CCDC88C: variants seen among roughly 807,000 people sequenced by gnomAD.
CCDC88C encodes the protein coiled-coil and HOOK domain protein 88C, also known as protein Daple.
Under a neutral mutation model 198.8 loss-of-function variants are expected in CCDC88C, and 131 were observed. The ratio of observed to expected loss-of-function variants is 0.66; its 90% CI spans 0.57 to 0.76. CCDC88C has a LOEUF of 0.76. Among genes scored for constraint, CCDC88C ranks in the 30% least tolerant of loss-of-function variants. The pLI is 0.00. For synonymous variants in CCDC88C, 1,166 were observed against 1,114.7 expected (o/e 1.05, Z -0.92); for missense variants, 2,553 against 2,631.6 (o/e 0.97, Z 0.65).
At position 91,313,623 on chromosome 14, in the gene CCDC88C, C is replaced by T. The variant is rs773129565; in HGVS notation, c.2193G>A (p.Gln731=). 9 of 1,612,668 alleles carry T rather than the reference C, an allele frequency of 5.6e-6. No homozygotes were observed. The highest frequency in any genetic ancestry group is 7.6e-6 in the Non-Finnish European group (9 of 1,179,900). Residue 731 remains glutamine, a synonymous_variant, in exon 15 of 30, where the codon CAG becomes CAA. Coordinates refer to ENST00000389857, the MANE Select transcript of CCDC88C (RefSeq NM_001080414.4). The surrounding 1 kb of genome is among the most constrained non-coding windows in gnomAD (Gnocchi z 5.2). ...TKLAQMEREN[Q]QLEREKEELR... ...GCTCCTCCTTCTCACGCTCCAGCTGCTGGTTCTCCCTCTCCATCTGTGCCA... is the reference window on the plus strand; with the variant it reads ...GCTCCTCCTTCTCACGCTCCAGCTGTTGGTTCTCCCTCTCCATCTGTGCCA...
intron 4 of CCDC88C, among the ~76,000 whole-genome samples, chr14:91,354,235 C>A (rs1326802725): frequency 2.6e-5 from 4 of 152,230 alleles, no homozygotes; most frequent in Non-Finnish European, 5.9e-5. Context: ...TGCAACTGTC[C>A]TGTGATTCAT....
chr14:91,348,245 A>G (rs1355471330), intron 4 of CCDC88C, among the ~76,000 whole-genome samples: 2 of 150,280 alleles, frequency 1.3e-5, no homozygotes, highest in Non-Finnish European at 2.9e-5. Context: ...ACCTCAAGTG[A>G]TCTGCTTGCC....
At chr14:91,357,697 A>G (rs1894103005) in intron 4 of CCDC88C, among the ~76,000 whole-genome samples, 1 of 152,238 alleles carries the variant, frequency 6.6e-6, no homozygotes, top group Non-Finnish European at 1.5e-5. Flanking sequence ...ATAAACTAGG[A>G]AGGTGGCAGA....
chr14:91,325,217 T>C lies in CCDC88C; in HGVS notation c.1198-294A>G, dbSNP rs1892532600. ...ATACTGCACAGGGCTTTAAAGCAAG[T>C]GTGCAGTGATGGGCAGCTCTGTGGC... On this transcript the variant is annotated intron_variant, in intron 11 of 29. Transcript: ENST00000389857. The surrounding 1 kb of genome is among the most constrained non-coding windows in gnomAD (Gnocchi z 4.1). 6.6e-6 allele frequency among the ~76,000 whole-genome samples: 1 copy of C among 152,170 alleles called. No homozygotes were observed. Among genetic ancestry groups the C allele is most frequent in the African/African-American group, 2.4e-5 (1 of 41,420 alleles).
chr14:91,394,584 G>T (rs1282217150), intron 3 of CCDC88C, among the ~76,000 whole-genome samples: 1 of 152,200 alleles, frequency 6.6e-6, no homozygotes, highest in African/African-American at 2.4e-5. Flanking sequence ...GGTGGCCTCC[G>T]TTGTTATGTA....
intron 3 of CCDC88C, among the ~76,000 whole-genome samples, chr14:91,388,847 C>T (rs1189007118): frequency 1.3e-5 from 2 of 152,142 alleles, no homozygotes; most frequent in African/African-American, 2.4e-5. Flanking sequence ...GCTGTCCCCA[C>T]GAAAGCCACA....
intron 2 of CCDC88C, 118 bp downstream of exon 2, chr14:91,416,620 C>G: frequency 1.3e-6 from 1 of 757,674 alleles, no homozygotes; most frequent in Non-Finnish European, 2.3e-6. Context: ...GCGTCTCCAC[C>G]TTCAGAGAAC....
chr14:91,307,104 G>C lies in CCDC88C; in HGVS notation c.3129C>G (p.Pro1043=). 1 of 1,613,850 alleles carries C rather than the reference G, an allele frequency of 6.2e-7. No individual in the cohort carries two copies. The highest frequency in any genetic ancestry group is 8.5e-7 in the Non-Finnish European group (1 of 1,179,844). The change falls in exon 18 of 30, where the codon CCC becomes CCG. Residue 1043 remains proline, a synonymous_variant. Coordinates refer to ENST00000389857, the MANE Select transcript of CCDC88C (RefSeq NM_001080414.4). ...GCTCCATGGTGGCTTCCTTATGGCC[G>C]GGCCCCCAGGCCTCCTTCCCCTGGT... is the stretch of plus-strand genomic sequence containing the variant. ...ASHQGKEAWG[P]GHKEATMELL...
rs556589861 is a variant in CCDC88C at position 91,414,597 on chromosome 14, G to A, written c.161+2141C>T. Among the ~76,000 whole-genome samples the A allele has an allele frequency of 5.9e-5, 9 of 152,218 alleles. 1 individual carries two copies. The South Asian group carries it at 1.9e-3, about 32-fold the overall frequency. ...CTTCCAGACACAAAAACACTATTCTGACTTCTATCACCTGGAACTGGGTGA... is the reference window on the plus strand; with the variant it reads ...CTTCCAGACACAAAAACACTATTCTAACTTCTATCACCTGGAACTGGGTGA... On this transcript the variant is annotated intron_variant, in intron 2 of 29. Transcript: ENST00000389857.
Position 91,359,636 on chromosome 14 carries a change from A to G in CCDC88C, c.340+6T>C. On this transcript the variant is annotated splice_donor_region_variant and intron_variant, in intron 4 of 29. Transcript: ENST00000389857. ...CACAGGGGAGAAGGGAGCGGCTTTC[A>G]CTCACCAGACAGTGGGTCTCTGCCA... 1.2e-6 allele frequency: 2 copies of G among 1,603,520 alleles called. No homozygotes were observed. Among genetic ancestry groups the G allele is most frequent in the Non-Finnish European group, 1.7e-6 (2 of 1,174,932 alleles).
In CCDC88C at chr14:91,272,888, TG is replaced by T; in HGVS notation, c.5823del (p.Lys1942ArgfsTer123). The T allele has an allele frequency of 6.3e-7, 1 of 1,587,740 alleles. No individual in the cohort carries two copies. Among genetic ancestry groups the T allele is most frequent in the Non-Finnish European group, 8.5e-7 (1 of 1,170,726 alleles). ...ACCTCCCCTGAGCGTGGGGGCGCCTTGGGCTTGGTCCTGGCAGCCGGGGCTG... is the reference window on the plus strand; with the variant it reads ...ACCTCCCCTGAGCGTGGGGGCGCCTTGGCTTGGTCCTGGCAGCCGGGGCTG... ...PAAAPAARTK[P>X]KAPPRSGEVA... On this transcript the variant is annotated frameshift_variant, in exon 30 of 30. Transcript: ENST00000389857. LOFTEE classifies it low-confidence loss of function (END_TRUNC).
At chr14:91,333,144 T>A (rs2139846782) in intron 10 of CCDC88C, among the ~76,000 whole-genome samples, 1 of 152,360 alleles carries the variant, frequency 6.6e-6, no homozygotes, top group South Asian at 2.1e-4. Context: ...CGTATGTGCA[T>A]CTCTTTTGGC....
At chr14:91,283,263 A>G in intron 26 of CCDC88C, 66 bp downstream of exon 26, 4 of 1,504,336 alleles carry the variant, frequency 2.7e-6, no homozygotes, top group Non-Finnish European at 3.6e-6. Context: ...GATTTCCGAG[A>G]GCCTGGGGTC....
intron 3 of CCDC88C, among the ~76,000 whole-genome samples, chr14:91,367,781 C>T (rs992044848): frequency 2.6e-5 from 4 of 152,120 alleles, no homozygotes; most frequent in African/African-American, 7.2e-5. Flanking sequence ...GTCAACCCTT[C>T]GGTTACCCTG....
Position 91,308,497 on chromosome 14 carries a change from AAAACAC to A in CCDC88C, c.2865-11_2865-6del. 6.2e-7 allele frequency: 1 copy of A among 1,613,666 alleles called. No individual in the cohort carries two copies. Among genetic ancestry groups the A allele is most frequent in the Non-Finnish European group, 8.5e-7 (1 of 1,179,778 alleles). On this transcript the variant is annotated splice_polypyrimidine_tract_variant and splice_region_variant and intron_variant, in intron 16 of 29. Coordinates refer to ENST00000389857, the MANE Select transcript of CCDC88C (RefSeq NM_001080414.4). ...CCCTCCAAAATCTTGTATTTTCTGGAAAACACAAAGATACAATAGTATCACTTATCT... is the reference window on the plus strand; with the variant it reads ...CCCTCCAAAATCTTGTATTTTCTGGAAAAGATACAATAGTATCACTTATCT...
At chr14:91,314,731 C>A (rs913878213) in intron 14 of CCDC88C, among the ~76,000 whole-genome samples, 1 of 152,230 alleles carries the variant, frequency 6.6e-6, no homozygotes, top group African/African-American at 2.4e-5. Flanking sequence ...TGGAAGTGTG[C>A]CTTCCTGGCT....
intron 3 of CCDC88C, among the ~76,000 whole-genome samples, chr14:91,382,761 C>G (rs1884885181): frequency 6.6e-6 from 1 of 152,184 alleles, no homozygotes; most frequent in African/African-American, 2.4e-5. Context: ...GGCACAGACT[C>G]AAGCGAACAC....
chr14:91,291,681 G>A (rs758776328), intron 23 of CCDC88C, among the ~76,000 whole-genome samples: 1 of 152,152 alleles, frequency 6.6e-6, no homozygotes, highest in Non-Finnish European at 1.5e-5. Flanking sequence ...GGCAGACCCT[G>A]CTGCCACAGG....
At chr14:91,343,130 A>AT (rs377175997) in intron 5 of CCDC88C, among the ~76,000 whole-genome samples, 29 of 152,096 alleles carry the variant, frequency 1.9e-4, no homozygotes, top group African/African-American at 7.0e-4. Flanking sequence ...AATGTTTTCT[A>AT]TTTTTTGTAA....
Sources: allele counts gnomAD v4.1 joint callset (sites outside exome capture counted in the v4.1 genomes callset), GRCh38; gene constraint gnomAD v4.1.1; non-coding constraint Gnocchi (gnomAD v3.1); transcripts MANE v1.5; gene names NCBI Gene and HGNC (gene_info 2026-07-23, HGNC 2026-07-21).